The following SLC12A5 variants were observed in gnomAD, a reference collection of about 807,000 sequenced individuals.
The protein encoded by SLC12A5 is K-Cl cotransporter 2.
Under a neutral mutation model 124.0 loss-of-function variants are expected in SLC12A5, and 18 were observed. That is an observed-to-expected ratio of 0.15 (90% CI 0.10 to 0.22). The LOEUF (loss-of-function observed/expected upper bound fraction) is 0.22. Ranked by LOEUF, SLC12A5 falls within the 10% of genes least tolerant of loss-of-function variation. The pLI, the probability that SLC12A5 is intolerant of heterozygous loss-of-function variation, is 1.00. For synonymous variants in SLC12A5, 589 were observed against 568.0 expected (o/e 1.04, Z -0.53); for missense variants, 867 against 1,478.7 (o/e 0.59, Z 6.78).
chr20:46,044,651 G>A (rs374904276), intron 11 of SLC12A5: 2 of 364,216 alleles, frequency 5.5e-6, no homozygotes, highest in East Asian at 1.4e-4. Flanking sequence ...AACTGGCCGG[G>A]TGGTGTAGGA....
chr20:46,057,153 C>A lies in SLC12A5; in HGVS notation c.3126-17C>A. ...CCCCCCGGCTCACGCGGTCTCCACT[C>A]CTCCTTCCTGCCGCAGGAACCAGTC... On this transcript the variant is annotated splice_polypyrimidine_tract_variant and intron_variant, in intron 24 of 25. Transcript: ENST00000243964. The surrounding 1 kb of genome is among the most constrained non-coding windows in gnomAD (Gnocchi z 7.1). The A allele has an allele frequency of 6.2e-7, 1 of 1,613,780 alleles. No homozygotes were observed. The highest frequency in any genetic ancestry group is 8.5e-7 in the Non-Finnish European group (1 of 1,179,802).
rs2084509457 is a variant in SLC12A5 at position 46,037,519 on chromosome 20, G to C, written c.612+134G>C. ...GTTCAGTAAGGCCAAAGTCAGATGT[G>C]GTTCTGTTTCTAAAGAGTTCACAGT... On this transcript the variant is annotated intron_variant, in intron 6 of 25. Coordinates refer to ENST00000243964, the MANE Select transcript of SLC12A5 (RefSeq NM_020708.5). 4.7e-5 allele frequency: 47 copies of C among 1,009,368 alleles called. No homozygotes were observed. The South Asian group carries it at 1.0e-3, about 22-fold the overall frequency. 62.5% of individuals were successfully genotyped at this position (1,009,368 alleles called of 1,614,324 possible).
chr20:46,041,336 C>T lies in SLC12A5; in HGVS notation c.862C>T (p.Leu288Phe). 6.2e-7 allele frequency: 1 copy of T among 1,614,074 alleles called. No homozygotes were observed. Residue 288 changes from leucine (L) to phenylalanine (F), a missense_variant, in exon 8 of 26, where the codon CTC becomes TTC. By Grantham distance (22) the Leu-to-Phe change is conservative. Transcript: ENST00000243964. ...AFDPPNFPICLLGNRTLSRHG... is the reference protein window; with the variant it reads ...AFDPPNFPICFLGNRTLSRHG... ...CCTTGTTTCTCTCCCTAGGATCTGC[C>T]TCCTGGGTAACCGCACGCTGTCTCG... is the stretch of plus-strand genomic sequence containing the variant.
In SLC12A5 at chr20:46,058,675, A is replaced by T. The variant is rs1000077817; in HGVS notation, c.*1070A>T. 9 of 398,708 alleles carry T rather than the reference A, an allele frequency of 2.3e-5. No homozygotes were observed. The highest frequency in any genetic ancestry group is 1.9e-4 in the African/African-American group (9 of 48,546). 24.7% of individuals were successfully genotyped at this position (398,708 alleles called of 1,614,324 possible). ...TCCCCGTATCCCATGGCTCCTCGCC[A>T]AAGACTGAAATTGTGGAGCTGGAGG... On this transcript the variant is annotated 3_prime_UTR_variant, in exon 26 of 26. Coordinates refer to ENST00000243964, the MANE Select transcript of SLC12A5 (RefSeq NM_020708.5). This position sits in a 1 kb window ranked among gnomAD's most constrained non-coding sequence, Gnocchi z 5.8.
intron 1 of SLC12A5, among the ~76,000 whole-genome samples, chr20:46,031,661 C>T (rs1418546808): frequency 1.3e-5 from 2 of 152,174 alleles, no homozygotes; most frequent in Admixed American, 6.5e-5. Context: ...CCTAGGGATT[C>T]CCCCAGGCCC....
chr20:46,041,555 A>G lies in SLC12A5; in HGVS notation c.1066+15A>G. On this transcript the variant is annotated intron_variant, in intron 8 of 25. Coordinates refer to ENST00000243964, the MANE Select transcript of SLC12A5 (RefSeq NM_020708.5). The stretch of plus-strand genomic sequence containing the variant: ...CCTCATCAAAGGTCTGCGGAGGGAC[A>G]AGGGCTGGCATCCAGGGAACGCTGC... The G allele has an allele frequency of 6.2e-7, 1 of 1,612,952 alleles. No individual in the cohort carries two copies. Among genetic ancestry groups the G allele is most frequent in the South Asian group, 1.1e-5 (1 of 90,952 alleles).
At chr20:46,021,870 G>C in exon 1 of SLC12A5, 1 of 1,529,416 alleles carries the variant, frequency 6.5e-7, no homozygotes, top group Non-Finnish European at 8.7e-7. Flanking sequence ...GCCACCTCCC[G>C]GGGGAAGACG....
Position 46,045,776 on chromosome 20 carries a change from G to A in SLC12A5, c.1570-102G>A. 1 of 850,058 alleles carries A rather than the reference G, an allele frequency of 1.2e-6. No homozygotes were observed. Among genetic ancestry groups the A allele is most frequent in the Non-Finnish European group, 1.9e-6 (1 of 525,572 alleles). The allele number at this position is 850,058 out of a possible 1,614,324, so 52.7% of individuals were successfully genotyped here. ...TGCATCCTCTCCCTTCCTCCTCTTT[G>A]GTGATAGGATTCCTGCCTCTACTCC... On this transcript the variant is annotated intron_variant, in intron 12 of 25. Coordinates refer to ENST00000243964, the MANE Select transcript of SLC12A5 (RefSeq NM_020708.5). This position sits in a 1 kb window ranked among gnomAD's most constrained non-coding sequence, Gnocchi z 4.9.
Position 46,057,175 on chromosome 20 carries a change from A to T in SLC12A5, c.3131A>T (p.Gln1044Leu), listed in dbSNP as rs529949253. Residue 1044 changes from glutamine to leucine, a missense_variant, in exon 25 of 26, where the codon CAG (glutamine) becomes CTG (leucine). Physicochemically the swap from Gln to Leu is moderately radical, Grantham distance 113 (BLOSUM62 -2). Coordinates refer to ENST00000243964, the MANE Select transcript of SLC12A5 (RefSeq NM_020708.5). The surrounding 1 kb of genome is among the most constrained non-coding windows in gnomAD (Gnocchi z 7.1). ...SMKPEWENLN[Q>L]SNVRRMHTAV... ...ACTCCTCCTTCCTGCCGCAGGAACC[A>T]GTCCAACGTGCGGCGCATGCACACG... The T allele has an allele frequency of 9.3e-6, 15 of 1,614,010 alleles. No homozygotes were observed. Among genetic ancestry groups the T allele is most frequent in the Non-Finnish European group, 1.0e-5 (12 of 1,180,022 alleles).
chr20:46,047,889 G>C, intron 15 of SLC12A5, 92 bp from the exon 16 acceptor site: 1 of 1,217,074 alleles, frequency 8.2e-7, no homozygotes, highest in South Asian at 1.4e-5. Context: ...CTGAGAGATG[G>C]CTCTGCCCTG....
rs560192644 is a variant in SLC12A5 at position 46,051,330 on chromosome 20, C to T, written c.2182-345C>T. 5.3e-4 allele frequency among the ~76,000 whole-genome samples: 80 copies of T among 152,106 alleles called. 1 individual carries two copies. The highest frequency in any genetic ancestry group is 4.8e-3 in the Admixed American group (74 of 15,270). On this transcript the variant is annotated intron_variant, in intron 17 of 25. Transcript: ENST00000243964. ...GGGTGGGGGTGGTATCTGAAGACGG[C>T]GACATTTGAGCTGGGCCAGACAGGG...
rs1228721017 is a variant in SLC12A5, at chr20:46,040,608, A to G, written c.848A>G (p.Asn283Ser). Reference sequence around the variant, plus strand: ...ATCAAGTCTGCCTTCGACCCACCCAACTTCCCGTGAGTGCTGCTGCTCTGA... The same window carrying G: ...ATCAAGTCTGCCTTCGACCCACCCAGCTTCCCGTGAGTGCTGCTGCTCTGA... ...GVIKSAFDPP[N>S]FPICLLGNRT... The change falls in exon 7 of 26, where the codon AAC becomes AGC. Residue 283 changes from asparagine to serine, a missense_variant. Coordinates refer to ENST00000243964, the MANE Select transcript of SLC12A5 (RefSeq NM_020708.5). 3.1e-6 allele frequency: 5 copies of G among 1,613,820 alleles called. No individual in the cohort carries two copies. Among genetic ancestry groups the G allele is most frequent in the Admixed American group, 1.7e-5 (1 of 60,000 alleles).
At position 46,058,551 on chromosome 20, in the gene SLC12A5, A is replaced by G. The variant is rs1362130071; in HGVS notation, c.*946A>G. 2.5e-6 allele frequency: 1 copy of G among 398,980 alleles called. No homozygotes were observed. The highest frequency in any genetic ancestry group is 2.1e-5 in the African/African-American group (1 of 48,614). 24.7% of individuals were successfully genotyped at this position (398,980 alleles called of 1,614,324 possible). ...CAGGATAGGGGAGGGGTGCTCCTCA[A>G]GAGGAAGAAACCGAGAGGCCCGCGC... On this transcript the variant is annotated 3_prime_UTR_variant, in exon 26 of 26. Coordinates refer to ENST00000243964, the MANE Select transcript of SLC12A5 (RefSeq NM_020708.5). This position sits in a 1 kb window ranked among gnomAD's most constrained non-coding sequence, Gnocchi z 5.8.
chr20:46,034,909 C>T, intron 1 of SLC12A5, 39 bp from the exon 2 acceptor site: 2 of 1,596,946 alleles, frequency 1.3e-6, no homozygotes, highest in South Asian at 2.2e-5. Context: ...TGGACAACAA[C>T]TGATTGGTTC....
In SLC12A5 at chr20:46,057,709, C is replaced by A. The variant is rs1363429186; in HGVS notation, c.*104C>A. 12 of 875,190 alleles carry A rather than the reference C, an allele frequency of 1.4e-5. No individual in the cohort carries two copies. In the Admixed American group the frequency reaches 2.8e-4, roughly 20 times the overall value. 54.2% of individuals were successfully genotyped at this position (875,190 alleles called of 1,614,324 possible). A position where few individuals can be genotyped will look rare whatever the true frequency, so the allele number is the denominator to read the frequency against. On this transcript the variant is annotated 3_prime_UTR_variant, in exon 26 of 26. Transcript: ENST00000243964. This position sits in a 1 kb window ranked among gnomAD's most constrained non-coding sequence, Gnocchi z 7.1. ...ACCGTTTACATACAGACCCTGTGCC[C>A]GTGTCCTGGCCCCTTACCCCGCTGC... is the stretch of plus-strand genomic sequence containing the variant.
At chr20:46,042,915 C>A (rs189884422) in intron 8 of SLC12A5, among the ~76,000 whole-genome samples, 3 of 152,170 alleles carry the variant, frequency 2.0e-5, no homozygotes, top group African/African-American at 7.2e-5. Context: ...ATTTACTCCA[C>A]TAGATTGGAC....
intron 1 of SLC12A5, among the ~76,000 whole-genome samples, chr20:46,030,939 C>T (rs1413121963): frequency 6.6e-6 from 1 of 152,138 alleles, no homozygotes; most frequent in African/African-American, 2.4e-5. Flanking sequence ...GCATCCGCCC[C>T]CTCCCCCGCG....
Position 46,048,076 on chromosome 20 carries a change from A to G in SLC12A5, c.2003A>G (p.Lys668Arg). 6.2e-7 allele frequency: 1 copy of G among 1,611,804 alleles called. No homozygotes were observed. Among genetic ancestry groups the G allele is most frequent in the Non-Finnish European group, 8.5e-7 (1 of 1,178,910 alleles). Reference protein sequence around the residue: ...LRLEEGPPHTKNWRPQLLVLV... With the variant: ...LRLEEGPPHTRNWRPQLLVLV... ...CTGGAGGAAGGGCCCCCACACACCA[A>G]GAACTGGAGGTTAGTGGTGAGGGCA... Residue 668 changes from lysine to arginine, a missense_variant, in exon 16 of 26, where the codon AAG (lysine) becomes AGG (arginine). Coordinates refer to ENST00000243964, the MANE Select transcript of SLC12A5 (RefSeq NM_020708.5).
At chr20:46,032,577 C>T (rs935773052) in intron 1 of SLC12A5, among the ~76,000 whole-genome samples, 1 of 152,202 alleles carries the variant, frequency 6.6e-6, no homozygotes, top group African/African-American at 2.4e-5. Flanking sequence ...TTAATCCTAG[C>T]AACAGCCCTA....
Sources: gnomAD v4.1 joint callset for allele counts (sites outside exome capture counted in the v4.1 genomes callset) on GRCh38, gnomAD v4.1.1 for gene constraint, Gnocchi (gnomAD v3.1) non-coding constraint, MANE v1.5 for transcripts, NCBI Gene and HGNC (gene_info 2026-07-23, HGNC 2026-07-21) for gene names.